The following UFSP2 variants were observed in gnomAD, a reference collection of about 807,000 sequenced individuals.
UFSP2 encodes the protein UFM1 specific peptidase 2, also known as ufm1-specific protease 2.
UFSP2 carries 43 observed loss-of-function variants against 60.2 expected under a neutral mutation model. The observed-to-expected ratio is 0.71, with a 90% confidence interval of 0.56 to 0.92. UFSP2 has a LOEUF of 0.92. Among genes scored for constraint, UFSP2 ranks in the 40% least tolerant of loss-of-function variants. The probability of loss-of-function intolerance (pLI) is 0.00; values close to 1 mark genes in which losing one functional copy is unlikely to be tolerated. For synonymous variants in UFSP2, 183 were observed against 195.1 expected (o/e 0.94, Z 0.52); for missense variants, 520 against 575.0 (o/e 0.90, Z 0.98).
chr4:185,408,417 T>C lies in UFSP2; in HGVS notation c.850A>G (p.Ile284Val). The C allele has an allele frequency of 6.2e-7, 1 of 1,614,118 alleles. No individual in the cohort carries two copies. ...TGCATATAATGATGATAGCCATATA[T>C]GCCCTGGACCACATAAATCTATATA... ...ETGMIYVVQG[I>V]YGYHHYMQDR... The change falls in exon 8 of 12, where the codon ATA (isoleucine) becomes GTA (valine). Residue 284 changes from isoleucine (I) to valine (V), a missense_variant. Coordinates refer to ENST00000264689, the MANE Select transcript of UFSP2 (RefSeq NM_018359.5).
At chr4:185,405,576 C>T (rs2095519380) in intron 10 of UFSP2, among the ~76,000 whole-genome samples, 1 of 152,166 alleles carries the variant, frequency 6.6e-6, no homozygotes, top group Non-Finnish European at 1.5e-5. Context: ...TCAGCCTTTA[C>T]TTCTTCTGGT....
rs2095534921 is a variant in UFSP2 at position 185,414,493 on chromosome 4, T to G, written c.685-621A>C. 2.0e-5 allele frequency among the ~76,000 whole-genome samples: 3 copies of G among 152,230 alleles called. No homozygotes were observed. The South Asian group carries it at 6.2e-4, about 32-fold the overall frequency. ...CCAGTGGTTTTAAAAGATCAGCTCC[T>G]GTAGCTATTGCTTCTACAAACCAAG... On this transcript the variant is annotated intron_variant, in intron 6 of 11. Transcript: ENST00000264689.
Position 185,400,377 on chromosome 4 carries a change from T to C in UFSP2, c.*15A>G. ...TATAATACCACTCTACTGCAGTCTT[T>C]GACTCCAAGATATTTTAAATCATAT... On this transcript the variant is annotated 3_prime_UTR_variant, in exon 12 of 12. Transcript: ENST00000264689. The C allele has an allele frequency of 6.3e-7, 1 of 1,586,720 alleles. No homozygotes were observed. Among genetic ancestry groups the C allele is most frequent in the Non-Finnish European group, 8.6e-7 (1 of 1,157,210 alleles).
At chr4:185,412,661 A>G (rs2095531349) in intron 7 of UFSP2, among the ~76,000 whole-genome samples, 1 of 152,174 alleles carries the variant, frequency 6.6e-6, no homozygotes, top group Non-Finnish European at 1.5e-5. Flanking sequence ...GTGAGGATAC[A>G]GAGGGTATGA....
At chr4:185,402,283 C>CTA (rs1384181276) in intron 11 of UFSP2, 2 of 455,010 alleles carry the variant, frequency 4.4e-6, no homozygotes, top group South Asian at 3.1e-5. Context: ...AATATTGCTA[C>CTA]TATATTCAGT....
chr4:185,425,913 G>T lies in UFSP2; in HGVS notation c.-45C>A, dbSNP rs766791495. 36 of 1,579,364 alleles carry T rather than the reference G, an allele frequency of 2.3e-5. No individual in the cohort carries two copies. Among genetic ancestry groups the T allele is most frequent in the Admixed American group, 7.4e-5 (4 of 54,410 alleles). ...CACGGGCGCTGACGCCTGCCCAAAAGTTCCGGGGGCCGGCCCTGAAGTGGT... is the reference window on the plus strand; with the variant it reads ...CACGGGCGCTGACGCCTGCCCAAAATTTCCGGGGGCCGGCCCTGAAGTGGT... On this transcript the variant is annotated 5_prime_UTR_variant, in exon 1 of 12. Coordinates refer to ENST00000264689, the MANE Select transcript of UFSP2 (RefSeq NM_018359.5).
Position 185,408,025 on chromosome 4 carries a change from A to C in UFSP2, c.1032T>G (p.Phe344Leu). 6.2e-7 allele frequency: 1 copy of C among 1,614,084 alleles called. No homozygotes were observed. Among genetic ancestry groups the C allele is most frequent in the South Asian group, 1.1e-5 (1 of 91,074 alleles). Reference sequence around the variant, plus strand: ...ATCCAATCCATTGCCGCGATCCGACAAATGTTGCTGGTTTGTCCCCGGCAT... The same window carrying C: ...ATCCAATCCATTGCCGCGATCCGACCAATGTTGCTGGTTTGTCCCCGGCAT... Reference protein sequence around the residue: ...LVDAGDKPATFVGSRQWIGSI... With the variant: ...LVDAGDKPATLVGSRQWIGSI... The change falls in exon 9 of 12, where the codon TTT becomes TTG. Residue 344 changes from phenylalanine to leucine, a missense_variant. Physicochemically the swap from Phe to Leu is conservative, Grantham distance 22 (BLOSUM62 0). Coordinates refer to ENST00000264689, the MANE Select transcript of UFSP2 (RefSeq NM_018359.5).
rs77278607 is a variant in UFSP2, at chr4:185,400,128, C to T, written c.*264G>A. 0.058 allele frequency: 60,757 copies of T among 1,039,584 alleles called. 2,925 individuals are homozygous for T. Among genetic ancestry groups the T allele is most frequent in the African/African-American group, 0.23 (14,409 of 61,846 alleles). 64.4% of individuals were successfully genotyped at this position (1,039,584 alleles called of 1,614,324 possible). On this transcript the variant is annotated 3_prime_UTR_variant, in exon 12 of 12. Coordinates refer to ENST00000264689, the MANE Select transcript of UFSP2 (RefSeq NM_018359.5). ...GTGTCTAATCTCCTTCTGAGAAGGA[C>T]GAAAAACTTTCTTCCAAGTGAAGAT...
At chr4:185,418,330 T>G in intron 4 of UFSP2, 111 bp downstream of exon 4, 1 of 793,514 alleles carries the variant, frequency 1.3e-6, no homozygotes, top group Non-Finnish European at 1.9e-6. Flanking sequence ...TTTTTGGACA[T>G]CAATATTCTG....
In UFSP2 at chr4:185,408,361, A is replaced by G; in HGVS notation, c.906T>C (p.Cys302=). Residue 302 remains cysteine (C), a synonymous_variant, in exon 8 of 12, where the codon TGT becomes TGC. Transcript: ENST00000264689. The part of the protein sequence containing the change: ...QDRIDDNGWG[C]AYRSLQTICS... ...AGATAGTCTGCAGAGATCGATAAGCACAGCCCCAGCCATTGTCATCTATGC... is the reference window on the plus strand; with the variant it reads ...AGATAGTCTGCAGAGATCGATAAGCGCAGCCCCAGCCATTGTCATCTATGC... 6.2e-7 allele frequency: 1 copy of G among 1,614,228 alleles called. No individual in the cohort carries two copies. Among genetic ancestry groups the G allele is most frequent in the South Asian group, 1.1e-5 (1 of 91,090 alleles).
intron 2 of UFSP2, among the ~76,000 whole-genome samples, chr4:185,420,019 T>C (rs953753000): frequency 1.4e-4 from 21 of 152,244 alleles, no homozygotes; most frequent in African/African-American, 5.1e-4. Flanking sequence ...CCATTTTATA[T>C]TCCCATCAGT....
In UFSP2 at chr4:185,408,441, T is replaced by A; in HGVS notation, c.832-6A>T. The A allele has an allele frequency of 1.2e-6, 2 of 1,612,030 alleles. No individual in the cohort carries two copies. ...ATGCCCTGGACCACATAAATCTATA[T>A]ACAGAGAAGAAACACAGTAAAATAT... is the stretch of plus-strand genomic sequence containing the variant. On this transcript the variant is annotated splice_region_variant and splice_polypyrimidine_tract_variant and intron_variant, in intron 7 of 11. Coordinates refer to ENST00000264689, the MANE Select transcript of UFSP2 (RefSeq NM_018359.5).
Position 185,400,390 on chromosome 4 carries a change from T to C in UFSP2, c.*2A>G, listed in dbSNP as rs1347634342. On this transcript the variant is annotated 3_prime_UTR_variant, in exon 12 of 12. Transcript: ENST00000264689. ...TACTGCAGTCTTTGACTCCAAGATA[T>C]TTTAAATCATATTTGGTCGCTGAGG... 1.2e-6 allele frequency: 2 copies of C among 1,609,822 alleles called. No individual in the cohort carries two copies. The highest frequency in any genetic ancestry group is 1.7e-4 in the Middle Eastern group (1 of 6,058).
rs60246347 is a variant in UFSP2, at chr4:185,412,067, A to G, written c.831+1659T>C. 9.1e-3 allele frequency among the ~76,000 whole-genome samples: 1,366 copies of G among 150,498 alleles called. 15 individuals carry two copies. Among genetic ancestry groups the G allele is most frequent in the African/African-American group, 0.031 (1,270 of 41,004 alleles). ...GGGTAGGGAAAGAGCACAGACTGGT[A>G]AAGTTTTGCTTCTTAAATTAGGGAG... On this transcript the variant is annotated intron_variant, in intron 7 of 11. Coordinates refer to ENST00000264689, the MANE Select transcript of UFSP2 (RefSeq NM_018359.5).
chr4:185,403,552 A>C lies in UFSP2; in HGVS notation c.1265T>G (p.Phe422Cys). 6.2e-7 allele frequency: 1 copy of C among 1,614,178 alleles called. No homozygotes were observed. Among genetic ancestry groups the C allele is most frequent in the Non-Finnish European group, 8.5e-7 (1 of 1,180,030 alleles). ...GGTATAATGTGGATCTAGAATCAGA[A>C]ACTTTATCTGCCCTGTAATCTCATT... ...AWNEITGQIK[F>C]LILDPHYTGA... Residue 422 changes from phenylalanine to cysteine, a missense_variant, in exon 11 of 12, where the codon TTT (phenylalanine) becomes TGT (cysteine). Physicochemically the swap from Phe to Cys is radical, Grantham distance 205. Coordinates refer to ENST00000264689, the MANE Select transcript of UFSP2 (RefSeq NM_018359.5).
At position 185,423,813 on chromosome 4, in the gene UFSP2, TAC is replaced by T. The variant is rs755315481; in HGVS notation, c.4-1252_4-1251del. On this transcript the variant is annotated intron_variant, in intron 1 of 11. Coordinates refer to ENST00000264689, the MANE Select transcript of UFSP2 (RefSeq NM_018359.5). Reference sequence around the variant, plus strand: ...ATTCATACATATATACATACATATATACACACACACACACACGAGAGAAAGAG... The same window carrying T: ...ATTCATACATATATACATACATATATACACACACACACACGAGAGAAAGAG... Among the ~76,000 whole-genome samples, 670 of 150,848 alleles carry T rather than the reference TAC, an allele frequency of 4.4e-3. 1 individual carries two copies. The highest frequency in any genetic ancestry group is 0.011 in the African/African-American group (447 of 41,214).
At chr4:185,410,594 G>A (rs1335323686) in intron 7 of UFSP2, among the ~76,000 whole-genome samples, 3 of 151,988 alleles carry the variant, frequency 2.0e-5, no homozygotes, top group Non-Finnish European at 2.9e-5. Context: ...GTTGCAGTGA[G>A]CTGAGATCAT....
chr4:185,414,537 G>A (rs1320047904), intron 6 of UFSP2, among the ~76,000 whole-genome samples: 1 of 152,072 alleles, frequency 6.6e-6, no homozygotes, highest in African/African-American at 2.4e-5. Context: ...ACATACAGAG[G>A]GTCAGGGTAT....
chr4:185,423,644 C>T (rs1405877434), intron 1 of UFSP2, among the ~76,000 whole-genome samples: 2 of 152,106 alleles, frequency 1.3e-5, no homozygotes, highest in East Asian at 1.9e-4. Context: ...ATGCTTACAA[C>T]TTATAAAGGG....
Sources: gnomAD v4.1 joint callset for allele counts (sites outside exome capture counted in the v4.1 genomes callset) on GRCh38, gnomAD v4.1.1 for gene constraint, MANE v1.5 for transcripts, NCBI Gene and HGNC (gene_info 2026-07-23, HGNC 2026-07-21) for gene names.